The following DPP10 variants were observed in gnomAD, a reference collection of about 807,000 sequenced individuals.
DPP10 encodes the protein inactive dipeptidyl peptidase 10.
Under a neutral mutation model 120.9 loss-of-function variants are expected in DPP10, and 33 were observed. That is an observed-to-expected ratio of 0.27 (90% CI 0.21 to 0.37). The LOEUF is 0.37. DPP10 is among the 10% of genes least tolerant of loss of function. DPP10 has a pLI of 1.00. For missense variants in DPP10, 816 were observed against 942.8 expected, an observed-to-expected ratio of 0.87 and a Z score of 1.76; for synonymous variants, 337 against 326.1, an observed-to-expected ratio of 1.03 and a Z score of -0.36.
chr2:115,744,245 C>A (rs1677662187), intron 9 of DPP10, among the ~76,000 whole-genome samples: 1 of 150,174 alleles, frequency 6.7e-6, no homozygotes, highest in Non-Finnish European at 1.5e-5. Context: ...CTTTGAATGG[C>A]ACTGCCAATA....
intron 3 of DPP10, among the ~76,000 whole-genome samples, chr2:115,474,638 C>T (rs1055088780): frequency 1.9e-4 from 28 of 149,978 alleles, no homozygotes; most frequent in Admixed American, 4.7e-4. Flanking sequence ...TTCGTATGTG[C>T]GAGCAAAAAA....
intron 3 of DPP10, among the ~76,000 whole-genome samples, chr2:115,348,187 A>G (rs1460685096): frequency 6.6e-6 from 1 of 152,062 alleles, no homozygotes; most frequent in East Asian, 1.9e-4. Context: ...TGGAGGTATC[A>G]TTTTCTGAGT....
chr2:115,248,304 C>A (rs1213982831), intron 1 of DPP10, among the ~76,000 whole-genome samples: 2 of 152,166 alleles, frequency 1.3e-5, no homozygotes, highest in African/African-American at 4.8e-5. Context: ...AAGTGCTAGA[C>A]CATGAGCTGT....
chr2:115,323,452 G>C (rs2062171348), intron 2 of DPP10, among the ~76,000 whole-genome samples: 1 of 152,156 alleles, frequency 6.6e-6, no homozygotes, highest in Non-Finnish European at 1.5e-5. Context: ...ATTGGAATCA[G>C]CTTCTTCCAA....
At chr2:115,062,081 T>C (rs532871274) in intron 1 of DPP10, among the ~76,000 whole-genome samples, 2 of 151,916 alleles carry the variant, frequency 1.3e-5, no homozygotes, top group East Asian at 3.9e-4. Context: ...TAAAATATTA[T>C]TTCATGAGTG....
intron 1 of DPP10, among the ~76,000 whole-genome samples, chr2:115,230,445 A>G (rs2057681965): frequency 6.6e-6 from 1 of 151,926 alleles, no homozygotes; most frequent in East Asian, 1.9e-4. Flanking sequence ...AGGACTTCCT[A>G]CTTTATTTTC....
At chr2:115,054,711 G>T (rs572608091) in intron 1 of DPP10, among the ~76,000 whole-genome samples, 3 of 152,290 alleles carry the variant, frequency 2.0e-5, no homozygotes, top group African/African-American at 7.2e-5. Context: ...AGGAGTTCAA[G>T]AGCAGCCTGG....
At chr2:115,151,689 G>A (rs2051568862) in intron 1 of DPP10, among the ~76,000 whole-genome samples, 2 of 150,592 alleles carry the variant, frequency 1.3e-5, no homozygotes, top group African/African-American at 2.4e-5. Context: ...TTACAGGCGT[G>A]AGCCACCGCG....
At chr2:114,938,560 T>G (rs561717148) in intron 1 of DPP10, among the ~76,000 whole-genome samples, 1 of 152,260 alleles carries the variant, frequency 6.6e-6, no homozygotes, top group African/African-American at 2.4e-5. Flanking sequence ...GATATCTTTT[T>G]CCATTGCTGT....
At chr2:115,383,711 GTTTC>G (rs1253402380) in intron 3 of DPP10, among the ~76,000 whole-genome samples, 2 of 151,944 alleles carry the variant, frequency 1.3e-5, no homozygotes, top group African/African-American at 2.4e-5. Flanking sequence ...TTTATAATGT[GTTTC>G]TTATGCATTT....
chr2:115,435,791 C>G (rs1452703842), intron 3 of DPP10, among the ~76,000 whole-genome samples: 1 of 151,714 alleles, frequency 6.6e-6, no homozygotes, highest in East Asian at 1.9e-4. Flanking sequence ...GAAGAATTTC[C>G]CCAGTGTTTT....
intron 1 of DPP10, among the ~76,000 whole-genome samples, chr2:114,677,032 A>G (rs561327512): frequency 6.6e-6 from 1 of 152,222 alleles, no homozygotes; most frequent in South Asian, 2.1e-4. Flanking sequence ...ACAGAACTAA[A>G]GTTTATGCTC....
chr2:115,829,049 A>C (rs1688661078), intron 21 of DPP10, among the ~76,000 whole-genome samples: 1 of 152,174 alleles, frequency 6.6e-6, no homozygotes. Flanking sequence ...ATGAGGCAAA[A>C]AACTGAAGTT....
intron 1 of DPP10, among the ~76,000 whole-genome samples, chr2:114,846,388 C>T (rs1202542960): frequency 6.6e-6 from 1 of 152,072 alleles, no homozygotes; most frequent in Non-Finnish European, 1.5e-5. Context: ...TATAAAGTGT[C>T]AGAAATATGG....
chr2:115,409,520 G>T (rs2068781488), intron 3 of DPP10, among the ~76,000 whole-genome samples: 1 of 152,116 alleles, frequency 6.6e-6, no homozygotes, highest in South Asian at 2.1e-4. Flanking sequence ...AATAGACATT[G>T]GCATAGATCT....
chr2:115,244,834 C>CATAT (rs535050279), intron 1 of DPP10, among the ~76,000 whole-genome samples: 7 of 143,402 alleles, frequency 4.9e-5, no homozygotes, highest in South Asian at 2.3e-4. Context: ...TATGTATGCA[C>CATAT]ATATATATAT....
At chr2:115,172,413 C>G (rs1170226801) in intron 1 of DPP10, among the ~76,000 whole-genome samples, 1 of 151,578 alleles carries the variant, frequency 6.6e-6, no homozygotes, top group Non-Finnish European at 1.5e-5. Context: ...TTTCCAGAAG[C>G]TGATTATTTG....
At chr2:114,995,725 G>T (rs62164467) in intron 1 of DPP10, among the ~76,000 whole-genome samples, 1 of 152,090 alleles carries the variant, frequency 6.6e-6, no homozygotes, top group Non-Finnish European at 1.5e-5. Flanking sequence ...AACATCATCA[G>T]TGTTCTTGTT....
chr2:115,799,592 A>G (rs1477488532), intron 19 of DPP10, among the ~76,000 whole-genome samples: 2 of 62,288 alleles, frequency 3.2e-5, no homozygotes, highest in African/African-American at 6.8e-5. Flanking sequence ...CCCTCCCCCC[A>G]CCCCACAACA....
Sources: gnomAD v4.1 joint callset for allele counts (sites outside exome capture counted in the v4.1 genomes callset) on GRCh38, gnomAD v4.1.1 for gene constraint, MANE v1.5 for transcripts, NCBI Gene and HGNC (gene_info 2026-07-23, HGNC 2026-07-21) for gene names.